CLTA: variants seen among roughly 807,000 people sequenced by gnomAD.
CLTA encodes clathrin, light polypeptide (Lca).
Under a neutral mutation model 26.9 loss-of-function variants are expected in CLTA, and 9 were observed. That is an observed-to-expected ratio of 0.33 (90% CI 0.20 to 0.58). The LOEUF is 0.58. CLTA is among the 20% of genes least tolerant of loss of function. The pLI is 0.85. For missense variants in CLTA, 278 were observed against 294.2 expected (o/e 0.94, Z 0.40); for synonymous variants, 120 against 115.5 (o/e 1.04, Z -0.25).
In CLTA at chr9:36,204,780, C is replaced by T. The variant is rs535850956; in HGVS notation, c.485+601C>T. On this transcript the variant is annotated intron_variant, in intron 4 of 4. Coordinates refer to ENST00000345519, the MANE Select transcript of CLTA (RefSeq NM_001833.4). ...GGTTAAGGAGTTGTGAGGAGAAAAA[C>T]GCTTTCATTCTCATATCACTACTCA... Among the ~76,000 whole-genome samples, 224 of 152,224 alleles carry T rather than the reference C, an allele frequency of 1.5e-3. 1 individual carries two copies. The highest frequency in any genetic ancestry group is 5.1e-3 in the African/African-American group (212 of 41,550).
chr9:36,199,946 C>T (rs1827303394), intron 3 of CLTA, among the ~76,000 whole-genome samples: 1 of 152,138 alleles, frequency 6.6e-6, no homozygotes, highest in Non-Finnish European at 1.5e-5. Context: ...TGGTAAGAGT[C>T]ACAATTTCAG....
At chr9:36,194,374 G>A (rs1259417035) in intron 1 of CLTA, among the ~76,000 whole-genome samples, 1 of 152,176 alleles carries the variant, frequency 6.6e-6, no homozygotes, top group Non-Finnish European at 1.5e-5. Flanking sequence ...TGAATTAAAG[G>A]GAAGCTTTCT....
intron 4 of CLTA, among the ~76,000 whole-genome samples, chr9:36,206,039 C>T (rs1241993286): frequency 3.3e-5 from 5 of 152,074 alleles, no homozygotes; most frequent in Non-Finnish European, 7.4e-5. Flanking sequence ...GGATTACAGG[C>T]GTGAGCCACC....
In CLTA at chr9:36,209,940, T is replaced by A. The variant is rs961308030; in HGVS notation, c.486-1663T>A. Among the ~76,000 whole-genome samples the A allele has an allele frequency of 8.5e-5, 13 of 152,220 alleles. 2 individuals are homozygous for A. The highest frequency in any genetic ancestry group is 8.5e-4 in the Admixed American group (13 of 15,284). ...CAGAAATTGCTATTTAGTGGTCAGC[T>A]TCTGATGTCCTGTCTCCTAGCACAG... On this transcript the variant is annotated intron_variant, in intron 4 of 4. Transcript: ENST00000345519.
At chr9:36,209,099 G>A (rs1827890101) in intron 4 of CLTA, 1 of 261,996 alleles carries the variant, frequency 3.8e-6, no homozygotes, top group African/African-American at 2.3e-5. Context: ...AACCAGGCCT[G>A]CTGAAGTCTC....
intron 4 of CLTA, among the ~76,000 whole-genome samples, chr9:36,206,060 A>G (rs910177819): frequency 2.6e-4 from 40 of 152,020 alleles, no homozygotes; most frequent in Admixed American, 1.3e-4. Flanking sequence ...GCGCCTGGCC[A>G]TGACACCTGT....
chr9:36,203,638 C>T (rs902917247), intron 3 of CLTA, among the ~76,000 whole-genome samples: 1 of 152,120 alleles, frequency 6.6e-6, no homozygotes, highest in Non-Finnish European at 1.5e-5. Context: ...AGATGAATAC[C>T]CTACTATGAA....
At chr9:36,197,740 A>G (rs1827138063) in intron 2 of CLTA, 152 bp downstream of exon 2, 2 of 625,274 alleles carry the variant, frequency 3.2e-6, no homozygotes, top group Admixed American at 5.8e-5. Context: ...GGAAAGATTT[A>G]AAGAGAGGTA....
chr9:36,191,798 G>A (rs1826740195), intron 1 of CLTA, among the ~76,000 whole-genome samples: 1 of 152,238 alleles, frequency 6.6e-6, no homozygotes, highest in Non-Finnish European at 1.5e-5. Flanking sequence ...GAAGGAGGGA[G>A]TAGGGAACTC....
At chr9:36,197,262 C>G (rs1490151458) in intron 1 of CLTA, among the ~76,000 whole-genome samples, 1 of 152,146 alleles carries the variant, frequency 6.6e-6, no homozygotes, top group Non-Finnish European at 1.5e-5. Flanking sequence ...TAGAGAAACA[C>G]TGTTCTCTTT....
intron 3 of CLTA, among the ~76,000 whole-genome samples, chr9:36,200,658 G>A (rs1827352860): frequency 6.6e-6 from 1 of 152,136 alleles, no homozygotes; most frequent in East Asian, 1.9e-4. Context: ...AACCTTTATA[G>A]CACCATTCAT....
chr9:36,204,858 AAG>A (rs1383124412), intron 4 of CLTA, among the ~76,000 whole-genome samples: 9 of 152,226 alleles, frequency 5.9e-5, no homozygotes, highest in African/African-American at 2.2e-4. Flanking sequence ...GGAAGCAGCA[AAG>A]AGAGGATATG....
intron 2 of CLTA, among the ~76,000 whole-genome samples, chr9:36,198,504 C>T (rs1198162737): frequency 6.6e-6 from 1 of 151,608 alleles, no homozygotes; most frequent in Non-Finnish European, 1.5e-5. Flanking sequence ...CAGTGAAACC[C>T]GTCTCTGCTA....
intron 1 of CLTA, among the ~76,000 whole-genome samples, chr9:36,193,652 GATGTAT>G (rs1826865419): frequency 6.6e-6 from 1 of 152,124 alleles, no homozygotes; most frequent in South Asian, 2.1e-4. Context: ...CTCTCTTTCT[GATGTAT>G]TATACAGAGA....
intron 4 of CLTA, among the ~76,000 whole-genome samples, chr9:36,209,920 A>G (rs932160544): frequency 3.3e-5 from 5 of 152,100 alleles, no homozygotes; most frequent in African/African-American, 7.2e-5. Flanking sequence ...CATGTCAGAA[A>G]TTGCTATTTA....
intron 4 of CLTA, among the ~76,000 whole-genome samples, chr9:36,206,378 A>T (rs975802232): frequency 2.6e-5 from 4 of 152,058 alleles, no homozygotes; most frequent in African/African-American, 9.7e-5. Context: ...TATTCCAGTG[A>T]TTCTTCACTG....
At chr9:36,207,415 G>T (rs578051024) in intron 4 of CLTA, among the ~76,000 whole-genome samples, 93 of 152,366 alleles carry the variant, frequency 6.1e-4, no homozygotes, top group Non-Finnish European at 1.1e-3. Context: ...GCTTGAGAAG[G>T]TTTGGGGAAC....
At chr9:36,204,938 T>G (rs1827628439) in intron 4 of CLTA, among the ~76,000 whole-genome samples, 1 of 152,140 alleles carries the variant, frequency 6.6e-6, no homozygotes, top group South Asian at 2.1e-4. Flanking sequence ...ATCCATTCAC[T>G]TCAGTGTATA....
At chr9:36,210,524 A>G (rs2132960043) in intron 4 of CLTA, 1 of 1,581,928 alleles carries the variant, frequency 6.3e-7, no homozygotes, top group Non-Finnish European at 8.6e-7. Context: ...TAGAGTGGCA[A>G]GGGCATGTCC....
Sources: allele counts gnomAD v4.1 joint callset (sites outside exome capture counted in the v4.1 genomes callset), GRCh38; gene constraint gnomAD v4.1.1; transcripts MANE v1.5; gene names NCBI Gene and HGNC (gene_info 2026-07-23, HGNC 2026-07-21).